Variants in RBPMS observed in about 807,000 individuals in gnomAD.
RBPMS encodes RNA binding protein, mRNA processing factor.
Under a neutral mutation model 26.8 loss-of-function variants are expected in RBPMS, and 7 were observed. That is an observed-to-expected ratio of 0.26 (90% CI 0.15 to 0.49). The LOEUF is 0.49. Among genes scored for constraint, RBPMS ranks in the 20% least tolerant of loss-of-function variants. The probability of loss-of-function intolerance (pLI) is 0.98; values close to 1 mark genes in which losing one functional copy is unlikely to be tolerated. For missense variants in RBPMS, 186 were observed against 250.0 expected, an observed-to-expected ratio of 0.74 and a Z score of 1.73; for synonymous variants, 96 against 93.3, an observed-to-expected ratio of 1.03 and a Z score of -0.17.
At chr8:30,417,334 G>A (rs1300597488) in intron 1 of RBPMS, among the ~76,000 whole-genome samples, 2 of 152,132 alleles carry the variant, frequency 1.3e-5, no homozygotes, top group Admixed American at 1.3e-4. Flanking sequence ...CCTTCATGGT[G>A]CTGATTCACA....
chr8:30,523,552 G>T (rs1392571387), intron 5 of RBPMS, among the ~76,000 whole-genome samples: 2 of 150,720 alleles, frequency 1.3e-5, no homozygotes, highest in African/African-American at 4.9e-5. Flanking sequence ...TATCATTTGA[G>T]TAAGATTCCT....
In RBPMS at chr8:30,388,694, A is replaced by C. The variant is rs139627300; in HGVS notation, c.66+3536A>C. ...GTTGGTCACTGAATTTTCAAAATAGAAATTTAGATTAAATATGTGATTTGG... is the reference window on the plus strand; with the variant it reads ...GTTGGTCACTGAATTTTCAAAATAGCAATTTAGATTAAATATGTGATTTGG... On this transcript the variant is annotated intron_variant, in intron 1 of 8. Transcript: ENST00000397323. Among the ~76,000 whole-genome samples the C allele has an allele frequency of 5.1e-3, 776 of 152,140 alleles. 19 individuals are homozygous for C. Among genetic ancestry groups the C allele is most frequent in the Admixed American group, 0.046 (709 of 15,278 alleles).
At chr8:30,528,795 C>T (rs771826456) in intron 5 of RBPMS, among the ~76,000 whole-genome samples, 43 of 152,030 alleles carry the variant, frequency 2.8e-4, no homozygotes, top group Non-Finnish European at 5.0e-4. Context: ...GGTCACAGAC[C>T]CCAAGGTGGG....
At chr8:30,461,084 T>G in intron 1 of RBPMS, among the ~76,000 whole-genome samples, 1 of 150,814 alleles carries the variant, frequency 6.6e-6, no homozygotes, top group East Asian at 1.9e-4. Context: ...AAAAGACCAG[T>G]CTTCTGGTGG....
Position 30,488,219 on chromosome 8 carries a change from T to C in RBPMS, c.246+8842T>C, listed in dbSNP as rs146676794. ...TAAACACAGGACATGAAAATAAGTT[T>C]AGATGGAAAAGGAATTCACATCAAG... On this transcript the variant is annotated intron_variant, in intron 4 of 8. Transcript: ENST00000397323. 4.8e-3 allele frequency among the ~76,000 whole-genome samples: 730 copies of C among 152,328 alleles called. 7 individuals are homozygous for C. Among genetic ancestry groups the C allele is most frequent in the African/African-American group, 0.017 (692 of 41,578 alleles).
At chr8:30,555,846 G>A (rs1826834178) in intron 6 of RBPMS, 2 of 983,016 alleles carry the variant, frequency 2.0e-6, no homozygotes, top group Non-Finnish European at 2.4e-6. Flanking sequence ...GCCCGAATGG[G>A]GCTAAGAGAG....
At chr8:30,508,949 G>A (rs1303992473) in intron 5 of RBPMS, among the ~76,000 whole-genome samples, 1 of 152,112 alleles carries the variant, frequency 6.6e-6, no homozygotes, top group Non-Finnish European at 1.5e-5. Flanking sequence ...GACAGATCCT[G>A]TCCTTTCGAT....
At chr8:30,570,043 AGGT>A (rs1417851270) in intron 8 of RBPMS, among the ~76,000 whole-genome samples, 6 of 152,210 alleles carry the variant, frequency 3.9e-5, no homozygotes, top group Non-Finnish European at 8.8e-5. Flanking sequence ...GAAAAGTCAC[AGGT>A]CAGATACAAA....
Position 30,489,570 on chromosome 8 carries a change from G to A in RBPMS, c.246+10193G>A, listed in dbSNP as rs138026281. On this transcript the variant is annotated intron_variant, in intron 4 of 8. Coordinates refer to ENST00000397323, the MANE Select transcript of RBPMS (RefSeq NM_001008710.3). Reference sequence around the variant, plus strand: ...AGGTATTCTTCTGCCTCAGCCTCCTGAGTAGCTGGGATTACAGGCGCGCGC... The same window carrying A: ...AGGTATTCTTCTGCCTCAGCCTCCTAAGTAGCTGGGATTACAGGCGCGCGC... 1.5e-3 allele frequency among the ~76,000 whole-genome samples: 233 copies of A among 152,052 alleles called. 2 individuals are homozygous for A. Among genetic ancestry groups the A allele is most frequent in the African/African-American group, 5.2e-3 (217 of 41,496 alleles).
intron 1 of RBPMS, among the ~76,000 whole-genome samples, chr8:30,465,937 C>T (rs1816445256): frequency 6.6e-6 from 1 of 152,196 alleles, no homozygotes; most frequent in Non-Finnish European, 1.5e-5. Context: ...ATTCTCTGAA[C>T]ATGTCTGAGC....
intron 5 of RBPMS, among the ~76,000 whole-genome samples, chr8:30,512,273 TTTG>T: frequency 6.6e-6 from 1 of 152,038 alleles, no homozygotes; most frequent in Non-Finnish European, 1.5e-5. Flanking sequence ...TGTATGCTTT[TTTG>T]TTTTTGTTTA....
chr8:30,560,672 A>T (rs2151086934), intron 7 of RBPMS, among the ~76,000 whole-genome samples: 1 of 152,318 alleles, frequency 6.6e-6, no homozygotes, highest in African/African-American at 2.4e-5. Context: ...TCAGTGAAAC[A>T]AATTTCTTTA....
At chr8:30,548,508 G>A (rs16877144) in intron 6 of RBPMS, among the ~76,000 whole-genome samples, 273 of 152,278 alleles carry the variant, frequency 1.8e-3, no homozygotes, top group African/African-American at 6.1e-3. Flanking sequence ...CAGTTCTATC[G>A]GATTTCTAAT....
intron 1 of RBPMS, among the ~76,000 whole-genome samples, chr8:30,472,090 A>G (rs1383426663): frequency 6.6e-6 from 1 of 152,208 alleles, no homozygotes; most frequent in African/African-American, 2.4e-5. Context: ...GTATACATCC[A>G]TACAAAGATT....
At chr8:30,452,533 C>A (rs960169693) in intron 1 of RBPMS, among the ~76,000 whole-genome samples, 1 of 152,160 alleles carries the variant, frequency 6.6e-6, no homozygotes, top group Non-Finnish European at 1.5e-5. Context: ...ACCTCCACCC[C>A]CTACAAGAAT....
intron 5 of RBPMS, among the ~76,000 whole-genome samples, chr8:30,532,795 C>A (rs926642035): frequency 1.3e-5 from 2 of 152,224 alleles, no homozygotes; most frequent in Non-Finnish European, 2.9e-5. Context: ...CATACCACAT[C>A]TTCCTAATAA....
intron 2 of RBPMS, among the ~76,000 whole-genome samples, chr8:30,476,637 A>T (rs892292825): frequency 6.6e-6 from 1 of 152,176 alleles, no homozygotes. Flanking sequence ...ACCCTAGTAC[A>T]TTCCTGACAA....
At chr8:30,539,065 G>A (rs979914455) in intron 5 of RBPMS, among the ~76,000 whole-genome samples, 13 of 152,296 alleles carry the variant, frequency 8.5e-5, no homozygotes, top group Non-Finnish European at 1.5e-4. Flanking sequence ...TCAGCTACTT[G>A]CTGAGGTATG....
chr8:30,564,855 A>C (rs1382496271), intron 7 of RBPMS: 1 of 151,914 alleles, frequency 6.6e-6, no homozygotes, highest in Non-Finnish European at 1.5e-5. Context: ...GGGGGTGCAG[A>C]CAACTGTTGT....
Sources: allele counts gnomAD v4.1 joint callset (sites outside exome capture counted in the v4.1 genomes callset), GRCh38; gene constraint gnomAD v4.1.1; transcripts MANE v1.5; gene names NCBI Gene and HGNC (gene_info 2026-07-23, HGNC 2026-07-21).